Variants in DLG2 observed in about 807,000 individuals in gnomAD.
DLG2 encodes discs large MAGUK scaffold protein 2.
DLG2 carries 45 observed loss-of-function variants against 132.5 expected under a neutral mutation model. The ratio of observed to expected loss-of-function variants is 0.34; its 90% CI spans 0.27 to 0.44. The LOEUF is 0.44. DLG2 is among the 20% of genes least tolerant of loss of function. The pLI, the probability that DLG2 is intolerant of heterozygous loss-of-function variation, is 1.00. For missense variants in DLG2, 1,045 were observed against 1,196.9 expected, an observed-to-expected ratio of 0.87 and a Z score of 1.87; for synonymous variants, 424 against 419.6, an observed-to-expected ratio of 1.01 and a Z score of -0.13.
At chr11:84,946,577 G>T (rs1330969016) in intron 6 of DLG2, among the ~76,000 whole-genome samples, 1 of 151,920 alleles carries the variant, frequency 6.6e-6, no homozygotes. Context: ...TCTGGAGCTG[G>T]TATCCAACTT....
At chr11:84,655,341 C>T (rs1003043110) in intron 6 of DLG2, among the ~76,000 whole-genome samples, 2 of 152,130 alleles carry the variant, frequency 1.3e-5, no homozygotes, top group Non-Finnish European at 2.9e-5. Flanking sequence ...CATACTTTGA[C>T]TCCATATGCT....
chr11:84,210,854 A>G (rs2096745334), intron 8 of DLG2, among the ~76,000 whole-genome samples: 1 of 152,200 alleles, frequency 6.6e-6, no homozygotes, highest in Non-Finnish European at 1.5e-5. Context: ...ACTGAAAAAA[A>G]GAAAAGAGAA....
intron 3 of DLG2, among the ~76,000 whole-genome samples, chr11:85,537,032 G>A (rs1461479855): frequency 6.6e-6 from 1 of 152,192 alleles, no homozygotes; most frequent in African/African-American, 2.4e-5. Context: ...CTAGCTAAAG[G>A]TTTGTAAATG....
intron 7 of DLG2, among the ~76,000 whole-genome samples, chr11:84,348,346 G>T (rs905283626): frequency 1.3e-5 from 2 of 152,140 alleles, no homozygotes; most frequent in Admixed American, 1.3e-4. Flanking sequence ...GGAAATGATA[G>T]AATTCAAATT....
At chr11:83,566,712 G>GGTGTGTGTGTGTGTGTGT (rs59829516) in intron 19 of DLG2, among the ~76,000 whole-genome samples, 2 of 143,950 alleles carry the variant, frequency 1.4e-5, no homozygotes, top group African/African-American at 5.1e-5. Flanking sequence ...CAGAGGGCAT[G>GGTGTGTGTGTGTGTGTGT]GTGTGTGTGT....
intron 7 of DLG2, among the ~76,000 whole-genome samples, chr11:84,350,185 A>G (rs57666332): frequency 9.1e-6 from 1 of 110,026 alleles, no homozygotes; most frequent in Non-Finnish European, 1.9e-5. Flanking sequence ...CCCCCCCCCC[A>G]AAAAAAAAAA....
intron 6 of DLG2, among the ~76,000 whole-genome samples, chr11:84,772,799 G>A (rs1034184522): frequency 8.6e-5 from 13 of 151,908 alleles, no homozygotes; most frequent in South Asian, 2.1e-4. Flanking sequence ...CAAAAGCAGC[G>A]GTAAGAGGAA....
chr11:83,579,922 A>G (rs927483222), intron 19 of DLG2, among the ~76,000 whole-genome samples: 12 of 152,138 alleles, frequency 7.9e-5, no homozygotes, highest in Admixed American at 7.8e-4. Flanking sequence ...GTGAGCCGAG[A>G]TCTCGCCACT....
chr11:85,512,268 A>C (rs533130462), intron 3 of DLG2, among the ~76,000 whole-genome samples: 2 of 152,240 alleles, frequency 1.3e-5, no homozygotes, highest in East Asian at 3.9e-4. Flanking sequence ...TGGCCACACT[A>C]CTAAGGGGTT....
intron 6 of DLG2, among the ~76,000 whole-genome samples, chr11:85,072,407 G>C (rs2065991188): frequency 6.6e-6 from 1 of 151,820 alleles, no homozygotes; most frequent in African/African-American, 2.4e-5. Flanking sequence ...GTCTGGATTA[G>C]AACCCAGGGA....
intron 3 of DLG2, among the ~76,000 whole-genome samples, chr11:85,569,514 T>C (rs7925739): frequency 0.24 from 36,927 of 152,158 alleles, 4,834 homozygotes; most frequent in East Asian, 0.38. Flanking sequence ...TTTCAACATA[T>C]TTGTGATTTT....
chr11:83,780,185 TG>T (rs1175906798), intron 18 of DLG2, among the ~76,000 whole-genome samples: 2 of 152,230 alleles, frequency 1.3e-5, no homozygotes, highest in African/African-American at 4.8e-5. Context: ...ATTGTAAGTA[TG>T]CTTCTTGGAT....
At chr11:83,666,499 G>A (rs956894397) in intron 18 of DLG2, among the ~76,000 whole-genome samples, 3 of 152,150 alleles carry the variant, frequency 2.0e-5, no homozygotes, top group Admixed American at 6.5e-5. Flanking sequence ...TCTAATGCCC[G>A]ATGACTGATG....
chr11:84,775,474 T>C (rs551170397), intron 6 of DLG2, among the ~76,000 whole-genome samples: 1 of 152,078 alleles, frequency 6.6e-6, no homozygotes, highest in Admixed American at 6.6e-5. Context: ...CACATGTGTG[T>C]TCATTGCAGC....
intron 7 of DLG2, among the ~76,000 whole-genome samples, chr11:84,276,544 T>G (rs553371205): frequency 1.3e-5 from 2 of 152,374 alleles, no homozygotes; most frequent in African/African-American, 2.4e-5. Context: ...CCTCTGTTTC[T>G]TTTCTACTAT....
intron 19 of DLG2, among the ~76,000 whole-genome samples, chr11:83,574,408 G>A (rs1325451649): frequency 1.3e-5 from 2 of 152,096 alleles, no homozygotes; most frequent in East Asian, 3.8e-4. Flanking sequence ...TACAAATATT[G>A]CATATAAGAC....
intron 3 of DLG2, among the ~76,000 whole-genome samples, chr11:85,386,784 A>G (rs561094052): frequency 1.3e-5 from 2 of 151,940 alleles, no homozygotes; most frequent in East Asian, 3.9e-4. Context: ...GTGAAAAAAG[A>G]AAAAAAGGAA....
intron 19 of DLG2, among the ~76,000 whole-genome samples, chr11:83,609,616 C>A (rs1273735601): frequency 6.6e-6 from 1 of 152,162 alleles, no homozygotes; most frequent in Admixed American, 6.5e-5. Context: ...TGTATAAGGG[C>A]ATGTGTGGGA....
At chr11:83,546,835 T>C (rs982181033) in intron 19 of DLG2, among the ~76,000 whole-genome samples, 1 of 152,152 alleles carries the variant, frequency 6.6e-6, no homozygotes, top group Non-Finnish European at 1.5e-5. Flanking sequence ...AGAGGACACA[T>C]TCAATTCTCA....
Sources: gnomAD v4.1 joint callset for allele counts (sites outside exome capture counted in the v4.1 genomes callset) on GRCh38, gnomAD v4.1.1 for gene constraint, MANE v1.5 for transcripts, NCBI Gene and HGNC (gene_info 2026-07-23, HGNC 2026-07-21) for gene names.